JAK1: variants seen among roughly 807,000 people sequenced by gnomAD.
JAK1 encodes the protein tyrosine-protein kinase JAK1.
Under a neutral mutation model 136.6 loss-of-function variants are expected in JAK1, and 16 were observed. That is an observed-to-expected ratio of 0.12 (90% CI 0.08 to 0.18). The LOEUF (loss-of-function observed/expected upper bound fraction) is 0.18, where lower values mean the gene tolerates loss of function less well. Ranked by LOEUF, JAK1 falls within the 10% of genes least tolerant of loss-of-function variation. JAK1 has a pLI of 1.00. For missense variants in JAK1, 859 were observed against 1,450.1 expected, an observed-to-expected ratio of 0.59 and a Z score of 6.62; for synonymous variants, 492 against 519.5, an observed-to-expected ratio of 0.95 and a Z score of 0.72.
chr1:65,034,861 C>T (rs763533658), intron 2 of JAK1, among the ~76,000 whole-genome samples: 1 of 152,132 alleles, frequency 6.6e-6, no homozygotes, highest in Non-Finnish European at 1.5e-5. Context: ...TCAAGACCAG[C>T]CTGGCTAACA....
intron 2 of JAK1, among the ~76,000 whole-genome samples, chr1:65,001,547 C>CGT (rs997582666): frequency 7.3e-5 from 11 of 151,626 alleles, no homozygotes; most frequent in Non-Finnish European, 1.2e-4. Flanking sequence ...TGCATGTGTG[C>CGT]GTGTGTGTGT....
At chr1:64,945,934 C>T (rs549302286) in intron 1 of JAK1, among the ~76,000 whole-genome samples, 1 of 152,240 alleles carries the variant, frequency 6.6e-6, no homozygotes, top group East Asian at 1.9e-4. Context: ...GATAAGGTTT[C>T]ACCATGTTGG....
chr1:64,929,956 T>C (rs1455709400), intron 1 of JAK1, among the ~76,000 whole-genome samples: 1 of 152,176 alleles, frequency 6.6e-6, no homozygotes, highest in African/African-American at 2.4e-5. Flanking sequence ...TAATAAATGG[T>C]GTTGGGAAAA....
chr1:64,969,577 A>C (rs1333675548), upstream of JAK1, among the ~76,000 whole-genome samples: 2 of 152,176 alleles, frequency 1.3e-5, no homozygotes, highest in Non-Finnish European at 2.9e-5. Context: ...TGTCATTGTA[A>C]AACTGCAAGC....
intron 1 of JAK1, among the ~76,000 whole-genome samples, chr1:64,941,706 A>C: frequency 6.6e-6 from 1 of 152,216 alleles, no homozygotes. Context: ...TGACATGACT[A>C]AACCTGGGTC....
intron 1 of JAK1, among the ~76,000 whole-genome samples, chr1:65,055,996 A>C (rs1647517855): frequency 6.6e-6 from 1 of 152,230 alleles, no homozygotes. Context: ...TGAAATCTTC[A>C]CCAAGGCCAA....
intron 2 of JAK1, chr1:65,003,693 T>G (rs1342491462): frequency 2.6e-5 from 4 of 151,900 alleles, no homozygotes; most frequent in African/African-American, 9.7e-5. Flanking sequence ...TCGTTTTGAC[T>G]CCAAATTCTT....
At chr1:64,843,842 A>G (rs1557625492) in intron 17 of JAK1, among the ~76,000 whole-genome samples, 1 of 152,062 alleles carries the variant, frequency 6.6e-6, no homozygotes, top group Admixed American at 6.6e-5. Flanking sequence ...CTTCACAACA[A>G]CCCTACAAGT....
At chr1:64,942,221 A>T (rs990992531) in intron 1 of JAK1, 2 of 152,194 alleles carry the variant, frequency 1.3e-5, no homozygotes, top group African/African-American at 4.8e-5. Flanking sequence ...AAAGATATAC[A>T]TATACTTCGT....
At chr1:65,023,288 G>T (rs1418961698) in intron 2 of JAK1, among the ~76,000 whole-genome samples, 1 of 151,560 alleles carries the variant, frequency 6.6e-6, no homozygotes, top group African/African-American at 2.4e-5. Flanking sequence ...TTTTATTTTT[G>T]TCAAGCTATG....
chr1:64,922,268 A>G (rs1645508011), intron 1 of JAK1, among the ~76,000 whole-genome samples: 1 of 151,698 alleles, frequency 6.6e-6, no homozygotes, highest in African/African-American at 2.4e-5. Context: ...GTTTTTTTGC[A>G]TTGACCTGAT....
chr1:65,058,050 A>T (rs1257908685), intron 1 of JAK1, among the ~76,000 whole-genome samples: 7 of 152,180 alleles, frequency 4.6e-5, no homozygotes, highest in Admixed American at 4.6e-4. Context: ...CCCTGTAAGT[A>T]GAATCTGATT....
intron 1 of JAK1, among the ~76,000 whole-genome samples, chr1:64,950,571 T>A (rs1229458316): frequency 6.6e-6 from 1 of 152,202 alleles, no homozygotes; most frequent in East Asian, 1.9e-4. Context: ...GTGCTAGCCA[T>A]CCGGCCAGCC....
chr1:65,048,053 T>C (rs1027192836), intron 1 of JAK1, among the ~76,000 whole-genome samples: 1 of 152,152 alleles, frequency 6.6e-6, no homozygotes, highest in African/African-American at 2.4e-5. Context: ...ATAGGTGACG[T>C]ATATTCAAAG....
At position 64,917,849 on chromosome 1, in the gene JAK1, T is replaced by C. The variant is rs1570770711; in HGVS notation, c.-77-31508A>G. On this transcript the variant is annotated intron_variant, in intron 1 of 24. Transcript: ENST00000342505. ...GCAGTCTTCTAGGTACCTCCAACTA[T>C]GAGAAGCCCTGTTTCCCACAACTCA... Among the ~76,000 whole-genome samples the C allele has an allele frequency of 2.0e-5, 3 of 152,164 alleles. No homozygotes were observed. In the South Asian group the frequency reaches 6.2e-4, roughly 31 times the overall value.
Position 64,886,226 on chromosome 1 carries a change from T to C in JAK1, c.6+33A>G, listed in dbSNP as rs753224163. ...CATCAATTTTTTTAAAGCCAGATAT[T>C]TTCCTTTTTTAAAAATATGCAAATC... On this transcript the variant is annotated intron_variant, in intron 2 of 24. Coordinates refer to ENST00000342505, the MANE Select transcript of JAK1 (RefSeq NM_002227.4). 34 of 1,420,706 alleles carry C rather than the reference T, an allele frequency of 2.4e-5. No individual in the cohort carries two copies. The South Asian group carries it at 4.1e-4, about 17-fold the overall frequency. 88.0% of individuals were successfully genotyped at this position (1,420,706 alleles called of 1,614,324 possible).
At position 64,833,436 on chromosome 1, in the gene JAK1, T is replaced by C. The variant is rs771462470; in HGVS notation, c.*1126A>G. ...ATACTAAACAGCATAACAAAAAGAT[T>C]TTCAGACTCTTGGTCATAAAGACCG... On this transcript the variant is annotated 3_prime_UTR_variant, in exon 25 of 25. Transcript: ENST00000342505. The C allele has an allele frequency of 4.3e-6, 1 of 232,964 alleles. No individual in the cohort carries two copies. The highest frequency in any genetic ancestry group is 8.5e-6 in the Non-Finnish European group (1 of 117,626). 14.4% of individuals were successfully genotyped at this position (232,964 alleles called of 1,614,324 possible).
intron 1 of JAK1, chr1:65,058,413 T>A (rs1647644498): frequency 1.9e-6 from 1 of 534,284 alleles, no homozygotes; most frequent in South Asian, 1.4e-5. Flanking sequence ...GTGAGGCTCC[T>A]CTGATGGAAG....
chr1:64,983,656 G>A (rs563710793), intron 2 of JAK1, among the ~76,000 whole-genome samples: 1 of 152,314 alleles, frequency 6.6e-6, no homozygotes, highest in Admixed American at 6.5e-5. Flanking sequence ...ACAAGGGGAA[G>A]GAGTTGTTTG....
Sources: allele counts gnomAD v4.1 joint callset (sites outside exome capture counted in the v4.1 genomes callset), GRCh38; gene constraint gnomAD v4.1.1; transcripts MANE v1.5; gene names NCBI Gene and HGNC (gene_info 2026-07-23, HGNC 2026-07-21).